The following PTPN22 variants were observed in gnomAD, a reference collection of about 807,000 sequenced individuals.
PTPN22 encodes tyrosine-protein phosphatase non-receptor type 22.
In PTPN22, 85 loss-of-function variants were observed where a neutral mutation model predicts 103.3. The ratio of observed to expected loss-of-function variants is 0.82; its 90% CI spans 0.69 to 0.99. The LOEUF (loss-of-function observed/expected upper bound fraction) is 0.99, where lower values mean the gene tolerates loss of function less well. Among genes scored for constraint, PTPN22 ranks in the 50% least tolerant of loss-of-function variants. The pLI, the probability that PTPN22 is intolerant of heterozygous loss-of-function variation, is 0.00. For synonymous variants in PTPN22, 323 were observed against 310.2 expected, an observed-to-expected ratio of 1.04 and a Z score of -0.43; for missense variants, 865 against 936.9, an observed-to-expected ratio of 0.92 and a Z score of 1.00.
chr1:113,856,435 C>T, exon 7 of PTPN22: 1 of 1,599,542 alleles, frequency 6.3e-7, no homozygotes, highest in Non-Finnish European at 8.5e-7. Context: ...TTCCTTTTTT[C>T]AGCTTCCTAA....
intron 10 of PTPN22, among the ~76,000 whole-genome samples, chr1:113,849,772 A>G (rs552374679): frequency 6.6e-6 from 1 of 151,666 alleles, no homozygotes; most frequent in African/African-American, 2.4e-5. Context: ...TATTTTTTGT[A>G]GAGACAGGGT....
intron 1 of PTPN22, among the ~76,000 whole-genome samples, chr1:113,865,145 CAG>C (rs1252420498): frequency 6.6e-6 from 1 of 152,138 alleles, no homozygotes; most frequent in East Asian, 1.9e-4. Flanking sequence ...ACTTTTAGCA[CAG>C]AGTCTGGAAC....
exon 13 of PTPN22, chr1:113,837,870 A>G (rs368537394): frequency 1.2e-5 from 20 of 1,614,046 alleles, no homozygotes; most frequent in African/African-American, 1.1e-4. Context: ...TAGAGGCATT[A>G]CGTATTTGGT....
chr1:113,861,404 C>A (rs563254745), intron 1 of PTPN22, among the ~76,000 whole-genome samples: 1 of 152,190 alleles, frequency 6.6e-6, no homozygotes, highest in South Asian at 2.1e-4. Context: ...CCATGCCTGG[C>A]CAATTTTTTG....
chr1:113,852,331 C>T (rs532879466), intron 9 of PTPN22, among the ~76,000 whole-genome samples: 13 of 152,118 alleles, frequency 8.5e-5, no homozygotes, highest in East Asian at 7.7e-4. Flanking sequence ...TGATTTCACA[C>T]GGTATAACCA....
chr1:113,853,442 C>CT, intron 9 of PTPN22, among the ~76,000 whole-genome samples: 1 of 150,766 alleles, frequency 6.6e-6, no homozygotes, highest in East Asian at 1.9e-4. Context: ...CCTCCACCTC[C>CT]CAGGTTCAAG....
exon 8 of PTPN22, chr1:113,855,015 T>C: frequency 1.2e-6 from 2 of 1,610,352 alleles, no homozygotes; most frequent in Non-Finnish European, 1.7e-6. Flanking sequence ...GTCTGGCCAA[T>C]TCTTGTAATG....
chr1:113,852,111 A>C lies in PTPN22; in HGVS notation c.751-7T>G. 1.3e-6 allele frequency: 2 copies of C among 1,588,960 alleles called. No individual in the cohort carries two copies. The highest frequency in any genetic ancestry group is 1.7e-6 in the Non-Finnish European group (2 of 1,158,144). On this transcript the variant is annotated splice_polypyrimidine_tract_variant and splice_region_variant and intron_variant, in intron 9 of 20. Coordinates refer to ENST00000359785, the Ensembl canonical transcript of PTPN22. ...TGAAGTTCTCAGGAATTATCTATCAAATTAAAGGGGAAAATATTCCTTTCA... is the reference window on the plus strand; with the variant it reads ...TGAAGTTCTCAGGAATTATCTATCACATTAAAGGGGAAAATATTCCTTTCA...
rs149547728 is a variant in PTPN22, at chr1:113,848,778, C to T, written c.829-152G>A. The T allele has an allele frequency of 8.4e-5, 60 of 715,994 alleles. 1 individual carries two copies. In the African/African-American group the frequency reaches 9.2e-4, roughly 11 times the overall value. The allele number at this position is 715,994 out of a possible 1,614,324, so 44.4% of individuals were successfully genotyped here. ...CATGTTATTAAACTTACTAACAATGCCTTATGCTTACGTAGTTCACTTCAG... is the reference window on the plus strand; with the variant it reads ...CATGTTATTAAACTTACTAACAATGTCTTATGCTTACGTAGTTCACTTCAG... On this transcript the variant is annotated intron_variant, in intron 10 of 20. Coordinates refer to ENST00000359785, the Ensembl canonical transcript of PTPN22.
In PTPN22 at chr1:113,851,997, A is replaced by G. The variant is rs373244441; in HGVS notation, c.828+30T>C. ...AACAGATGGAGCAAGACTCAGACAC[A>G]TGTTCTGATCCATTCACTATAGTTC... On this transcript the variant is annotated intron_variant, in intron 10 of 20. Transcript: ENST00000359785. 14 of 1,528,332 alleles carry G rather than the reference A, an allele frequency of 9.2e-6. No homozygotes were observed. The African/African-American group carries it at 1.5e-4, about 16-fold the overall frequency. The allele number at this position is 1,528,332 out of a possible 1,614,324, so 94.7% of individuals were successfully genotyped here.
chr1:113,866,901 C>T (rs1326787808), intron 1 of PTPN22, among the ~76,000 whole-genome samples: 1 of 152,126 alleles, frequency 6.6e-6, no homozygotes, highest in African/African-American at 2.4e-5. Flanking sequence ...GCATGTGCCA[C>T]CACTTCTGGC....
chr1:113,836,003 G>C (rs1662983992), intron 13 of PTPN22, among the ~76,000 whole-genome samples: 1 of 151,308 alleles, frequency 6.6e-6, no homozygotes, highest in African/African-American at 2.4e-5. Context: ...AGAAGTTTAA[G>C]GTATAAGAAA....
chr1:113,819,953 G>GTT (rs943550233), intron 19 of PTPN22: 31 of 158,386 alleles, frequency 2.0e-4, no homozygotes, highest in East Asian at 4.9e-4. Flanking sequence ...GCATTTTTTT[G>GTT]TTTTTTTTTT....
At chr1:113,833,190 T>C (rs764855055) in intron 15 of PTPN22, 52 bp from the exon 16 acceptor site, 1 of 1,432,842 alleles carries the variant, frequency 7.0e-7, no homozygotes, top group Admixed American at 2.2e-5. Context: ...ATACAAATTA[T>C]ACAAACTCAA....
intron 1 of PTPN22, among the ~76,000 whole-genome samples, chr1:113,869,504 C>T (rs1317379228): frequency 2.0e-5 from 3 of 151,762 alleles, no homozygotes; most frequent in Non-Finnish European, 4.4e-5. Context: ...AAGCGATTCT[C>T]CTGTGTCAAC....
exon 3 of PTPN22, chr1:113,859,068 G>A (rs749556223): frequency 1.2e-6 from 2 of 1,613,598 alleles, no homozygotes; most frequent in Non-Finnish European, 8.5e-7. Flanking sequence ...GTTCTACCCG[G>A]CTATAATCAT....
At chr1:113,854,195 GAA>G (rs1305538574) in intron 9 of PTPN22, among the ~76,000 whole-genome samples, 4 of 152,006 alleles carry the variant, frequency 2.6e-5, no homozygotes, top group African/African-American at 7.2e-5. Context: ...ATTCAAAACC[GAA>G]AAGAGGTGAA....
intron 11 of PTPN22, among the ~76,000 whole-genome samples, chr1:113,839,057 G>A (rs1382513854): frequency 6.6e-6 from 1 of 152,052 alleles, no homozygotes; most frequent in African/African-American, 2.4e-5. Flanking sequence ...ACTTTAGCAT[G>A]CCAAACTTAT....
chr1:113,842,370 G>A (rs2101999017), intron 11 of PTPN22, among the ~76,000 whole-genome samples: 1 of 152,274 alleles, frequency 6.6e-6, no homozygotes, highest in South Asian at 2.1e-4. Context: ...TAATTAGGAT[G>A]GCTGCCATCA....
Sources: gnomAD v4.1 joint callset for allele counts (sites outside exome capture counted in the v4.1 genomes callset) on GRCh38, gnomAD v4.1.1 for gene constraint, MANE v1.5 for transcripts, NCBI Gene and HGNC (gene_info 2026-07-23, HGNC 2026-07-21) for gene names.